Variants in SGCD observed in about 807,000 individuals in gnomAD.
The protein encoded by SGCD is delta-sarcoglycan.
SGCD carries 18 observed loss-of-function variants against 36.6 expected under a neutral mutation model. The ratio of observed to expected loss-of-function variants is 0.49; its 90% CI spans 0.34 to 0.73. The LOEUF (loss-of-function observed/expected upper bound fraction) is 0.73. SGCD is among the 30% of genes least tolerant of loss of function. The pLI, the probability that SGCD is intolerant of heterozygous loss-of-function variation, is 0.01. For synonymous variants in SGCD, 133 were observed against 130.6 expected (o/e 1.02, Z -0.12); for missense variants, 387 against 346.7 (o/e 1.12, Z -0.92).
At chr5:156,234,600 C>G (rs1345190401) in intron 3 of SGCD, among the ~76,000 whole-genome samples, 1 of 152,176 alleles carries the variant, frequency 6.6e-6, no homozygotes, top group African/African-American at 2.4e-5. Context: ...CTAATGGGAG[C>G]ATGGCACTAG....
At chr5:156,176,062 A>G (rs1316557261) in intron 3 of SGCD, among the ~76,000 whole-genome samples, 2 of 152,020 alleles carry the variant, frequency 1.3e-5, no homozygotes, top group African/African-American at 2.4e-5. Context: ...TGCGATTTTC[A>G]AAGTTTCTCT....
At chr5:156,269,484 A>C (rs1301964582) in intron 3 of SGCD, among the ~76,000 whole-genome samples, 7 of 139,818 alleles carry the variant, frequency 5.0e-5, no homozygotes, top group South Asian at 2.3e-4. Context: ...AAAAAAAAAA[A>C]AAAAAAAAAA....
chr5:156,520,680 A>T (rs1757361562), intron 4 of SGCD, among the ~76,000 whole-genome samples: 1 of 152,154 alleles, frequency 6.6e-6, no homozygotes, highest in African/African-American at 2.4e-5. Flanking sequence ...TACTGGTTCA[A>T]GAACAGACAC....
At chr5:156,393,568 T>C (rs944745672) in intron 3 of SGCD, among the ~76,000 whole-genome samples, 1 of 152,232 alleles carries the variant, frequency 6.6e-6, no homozygotes, top group African/African-American at 2.4e-5. Flanking sequence ...GATAGCGTGC[T>C]CCTGTGCATC....
At chr5:156,471,004 C>T (rs764209674) in intron 3 of SGCD, among the ~76,000 whole-genome samples, 1 of 151,964 alleles carries the variant, frequency 6.6e-6, no homozygotes, top group Non-Finnish European at 1.5e-5. Flanking sequence ...TTCATCTGTT[C>T]AAATTTAAAT....
chr5:156,730,694 T>C (rs1413396636), intron 7 of SGCD, among the ~76,000 whole-genome samples: 1 of 152,176 alleles, frequency 6.6e-6, no homozygotes, highest in Non-Finnish European at 1.5e-5. Flanking sequence ...TATGCATCCA[T>C]GTGTCTTTAT....
At chr5:155,835,975 A>G in the SGCD span, among the ~76,000 whole-genome samples, 7 of 152,126 alleles carry the variant, frequency 4.6e-5, no homozygotes, top group Admixed American at 1.3e-4. Context: ...AACATATGGT[A>G]TATATAGCGT....
At chr5:156,619,442 G>A (rs1403185152) in intron 6 of SGCD, among the ~76,000 whole-genome samples, 1 of 152,234 alleles carries the variant, frequency 6.6e-6, no homozygotes, top group African/African-American at 2.4e-5. Flanking sequence ...TCAAGCATCT[G>A]TTGGCCTGTT....
At chr5:156,407,023 G>C (rs1196432044) in intron 3 of SGCD, among the ~76,000 whole-genome samples, 3 of 151,768 alleles carry the variant, frequency 2.0e-5, no homozygotes, top group Non-Finnish European at 2.9e-5. Context: ...TGTAGGCTGG[G>C]AGGCTAGGCC....
chr5:156,653,493 C>CTTTTTTT (rs111458843), intron 7 of SGCD, among the ~76,000 whole-genome samples: 1 of 48,108 alleles, frequency 2.1e-5, no homozygotes, highest in African/African-American at 6.4e-5. Flanking sequence ...CTAAAGCTTG[C>CTTTTTTT]TTTTTTTTTT....
At chr5:156,365,926 ATG>A (rs1269612328) in intron 3 of SGCD, among the ~76,000 whole-genome samples, 1 of 152,150 alleles carries the variant, frequency 6.6e-6, no homozygotes. Context: ...ATACATGTAA[ATG>A]TGTATGTATG....
At chr5:156,668,095 A>C (rs1753131543) in intron 7 of SGCD, among the ~76,000 whole-genome samples, 1 of 152,202 alleles carries the variant, frequency 6.6e-6, no homozygotes, top group Non-Finnish European at 1.5e-5. Flanking sequence ...CATTTTGCCC[A>C]AAACCCAAGT....
rs570200528 is a variant in SGCD, at chr5:156,229,277, CAT to C, written c.-43-100235_-43-100234del. Among the ~76,000 whole-genome samples the C allele has an allele frequency of 2.6e-3, 148 of 56,468 alleles. 15 individuals carry two copies. Among genetic ancestry groups the C allele is most frequent in the African/African-American group, 7.1e-3 (88 of 12,482 alleles). The allele number at this position is 56,468 out of a possible 152,430, so 37.0% of individuals were successfully genotyped here. ...ACATACATACATATATATATACATA[CAT>C]ATATATATATATATATATATAAAAT... is the stretch of plus-strand genomic sequence containing the variant. On this transcript the variant is annotated intron_variant, in intron 3 of 9. Transcript: ENST00000517913.
chr5:156,594,939 A>G lies in SGCD; in HGVS notation c.390A>G (p.Lys130=). The part of the protein sequence containing the change: ...KVLTQLITGP[K]AVEAYGKKFE... ...TCTCTCTATATCTCTCAGGTCCAAA[A>G]GCCGTAGAAGCTTATGGTAAAAAAT... The change falls in exon 6 of 9, where the codon AAA becomes AAG. Residue 130 remains lysine (K), a synonymous_variant. Coordinates refer to ENST00000337851, the MANE Select transcript of SGCD (RefSeq NM_000337.6). 2 of 1,604,112 alleles carry G rather than the reference A, an allele frequency of 1.2e-6. No homozygotes were observed. Among genetic ancestry groups the G allele is most frequent in the Non-Finnish European group, 8.5e-7 (1 of 1,173,196 alleles).
chr5:156,489,378 C>T (rs1201391552), intron 3 of SGCD, among the ~76,000 whole-genome samples: 2 of 152,058 alleles, frequency 1.3e-5, no homozygotes, highest in Admixed American at 1.3e-4. Flanking sequence ...ATAATGGACC[C>T]AACAGATGTT....
At chr5:155,859,915 G>A in the SGCD span, among the ~76,000 whole-genome samples, 1 of 152,318 alleles carries the variant, frequency 6.6e-6, no homozygotes, top group African/African-American at 2.4e-5. Context: ...AGAAAAGGGT[G>A]CTGACCAGCC....
chr5:156,203,136 C>T (rs1485212282), intron 3 of SGCD, among the ~76,000 whole-genome samples: 3 of 152,084 alleles, frequency 2.0e-5, no homozygotes, highest in Non-Finnish European at 2.9e-5. Flanking sequence ...AAACTATACT[C>T]TATAATTTGG....
chr5:156,724,370 C>T (rs1041072216), intron 7 of SGCD, among the ~76,000 whole-genome samples: 4 of 152,042 alleles, frequency 2.6e-5, no homozygotes, highest in African/African-American at 4.8e-5. Flanking sequence ...TTTGGGAGGC[C>T]GAGGCAGGCA....
intron 3 of SGCD, among the ~76,000 whole-genome samples, chr5:156,144,101 T>C (rs1350036469): frequency 6.6e-6 from 1 of 152,058 alleles, no homozygotes; most frequent in Non-Finnish European, 1.5e-5. Context: ...TATTCCATGG[T>C]GTATATGTGC....
Sources: allele counts gnomAD v4.1 joint callset (sites outside exome capture counted in the v4.1 genomes callset), GRCh38; gene constraint gnomAD v4.1.1; transcripts MANE v1.5; gene names NCBI Gene and HGNC (gene_info 2026-07-23, HGNC 2026-07-21).